MTMR3: variants seen among roughly 807,000 people sequenced by gnomAD.
MTMR3 encodes the protein myotubularin related protein 3, also known as phosphatidylinositol-3,5-bisphosphate 3-phosphatase MTMR3.
In MTMR3, 32 loss-of-function variants were observed where a neutral mutation model predicts 132.4. That is an observed-to-expected ratio of 0.24 (90% CI 0.18 to 0.32). The LOEUF is 0.32. Ranked by LOEUF, MTMR3 falls within the 10% of genes least tolerant of loss-of-function variation. The pLI is 1.00. For synonymous variants in MTMR3, 556 were observed against 550.3 expected, an observed-to-expected ratio of 1.01 and a Z score of -0.14; for missense variants, 1,216 against 1,489.6, an observed-to-expected ratio of 0.82 and a Z score of 3.02.
At chr22:29,891,586 C>T (rs922657920) in intron 1 of MTMR3, among the ~76,000 whole-genome samples, 14 of 152,084 alleles carry the variant, frequency 9.2e-5, no homozygotes, top group African/African-American at 3.4e-4. Context: ...TGTGTGCCAC[C>T]ATGCCTGGCT....
chr22:29,974,274 A>G (rs1200753282), intron 3 of MTMR3, among the ~76,000 whole-genome samples: 3 of 152,124 alleles, frequency 2.0e-5, no homozygotes, highest in Non-Finnish European at 4.4e-5. Flanking sequence ...GGCCTTCCTC[A>G]CCTATGAAAC....
intron 1 of MTMR3, among the ~76,000 whole-genome samples, chr22:29,954,577 A>G (rs1206965968): frequency 1.3e-5 from 2 of 152,220 alleles, no homozygotes; most frequent in African/African-American, 4.8e-5. Context: ...CGTTTGGTCC[A>G]TCTCTTGGAA....
chr22:30,024,202 G>A (rs2067844786), intron 19 of MTMR3: 1 of 152,304 alleles, frequency 6.6e-6, no homozygotes, highest in African/African-American at 2.4e-5. Flanking sequence ...GCTGAGGCAG[G>A]AGAAGAGAAT....
rs766644426 is a variant in MTMR3, at chr22:30,017,972, G to T, written c.1720G>T (p.Ala574Ser). 1 of 1,613,876 alleles carries T rather than the reference G, an allele frequency of 6.2e-7. No individual in the cohort carries two copies. The highest frequency in any genetic ancestry group is 8.5e-7 in the Non-Finnish European group (1 of 1,179,944). The change falls in exon 16 of 20, where the codon GCA becomes TCA. Residue 574 changes from alanine (A) to serine (S), a missense_variant. Around this residue, in one of 7 missense-constraint regions of MTMR3, gnomAD observed 852 missense variants for 852.0 expected, o/e 1.00. Transcript: ENST00000401950. Reference sequence around the variant, plus strand: ...TGTGCGTAACCTGATGCTGTGGAGTGCAGTGTACCTGCCCTGCCCATCCCC... The same window carrying T: ...TGTGCGTAACCTGATGCTGTGGAGTTCAGTGTACCTGCCCTGCCCATCCCC... ...CHVRNLMLWSAVYLPCPSPTT... is the reference protein window; with the variant it reads ...CHVRNLMLWSSVYLPCPSPTT...
chr22:29,960,061 CT>C (rs55797203), intron 2 of MTMR3, among the ~76,000 whole-genome samples: 11,777 of 152,142 alleles, frequency 0.077, 532 homozygotes, highest in African/African-American at 0.092. Flanking sequence ...GCCACTGCCC[CT>C]GGCCACGTTC....
chr22:30,018,068 A>G lies in MTMR3; in HGVS notation c.1816A>G (p.Ser606Gly). 1 of 1,606,252 alleles carries G rather than the reference A, an allele frequency of 6.2e-7. No individual in the cohort carries two copies. The highest frequency in any genetic ancestry group is 1.7e-4 in the Middle Eastern group (1 of 6,012). The change falls in exon 16 of 20, where the codon AGC (serine) becomes GGC (glycine). Residue 606 changes from serine to glycine, a missense_variant. Around this residue, in one of 7 missense-constraint regions of MTMR3, gnomAD observed 852 missense variants for 852.0 expected, o/e 1.00. Coordinates refer to ENST00000401950, the MANE Select transcript of MTMR3 (RefSeq NM_021090.4). ...CACCAGCCCTGATGATCCCCCCCTG[A>G]GCCGGTGAGCCCAGGGTGATGCCAC... is the stretch of plus-strand genomic sequence containing the variant. ...PGTSPDDPPLSRLPKTRSYDN... is the reference protein window; with the variant it reads ...PGTSPDDPPLGRLPKTRSYDN...
intron 19 of MTMR3, chr22:30,023,805 G>A (rs1050210569): frequency 3.5e-5 from 12 of 346,822 alleles, no homozygotes; most frequent in Non-Finnish European, 6.4e-5. Context: ...TTGGGTCAGT[G>A]ATTCATTGAG....
chr22:29,966,779 CTGTG>C (rs941414840), intron 2 of MTMR3, among the ~76,000 whole-genome samples: 3 of 135,276 alleles, frequency 2.2e-5, no homozygotes, highest in East Asian at 2.3e-4. Context: ...GTGTCTGTCT[CTGTG>C]TGTGTGTGAG....
chr22:29,999,028 T>C, intron 8 of MTMR3, 171 bp downstream of exon 8: 1 of 449,436 alleles, frequency 2.2e-6, no homozygotes, highest in South Asian at 3.3e-5. Context: ...TTCCCGTTGC[T>C]ATCATTGGAG....
rs573991551 is a variant in MTMR3 at position 29,970,608 on chromosome 22, G to C, written c.-84-368G>C. 4.7e-5 allele frequency among the ~76,000 whole-genome samples: 7 copies of C among 150,080 alleles called. No homozygotes were observed. The East Asian group carries it at 1.4e-3, about 30-fold the overall frequency. On this transcript the variant is annotated intron_variant, in intron 2 of 19. Coordinates refer to ENST00000401950, the MANE Select transcript of MTMR3 (RefSeq NM_021090.4). ...CTGCCTCAGCCTTCGAAAGTGCTGG[G>C]ATTATAGGCATTAAGCCACCTTGCC...
At chr22:29,938,212 G>C (rs990269911) in intron 1 of MTMR3, among the ~76,000 whole-genome samples, 1 of 152,144 alleles carries the variant, frequency 6.6e-6, no homozygotes, top group Admixed American at 6.5e-5. Flanking sequence ...CTGAGAAATC[G>C]TAACTGTTTT....
chr22:29,888,586 G>A (rs1462485893), intron 1 of MTMR3, among the ~76,000 whole-genome samples: 2 of 152,116 alleles, frequency 1.3e-5, no homozygotes, highest in African/African-American at 4.8e-5. Context: ...AACTTATGCT[G>A]TAATAATATT....
intron 5 of MTMR3, chr22:29,984,978 G>A (rs2145898464): frequency 6.6e-6 from 1 of 152,344 alleles, no homozygotes; most frequent in Non-Finnish European, 1.5e-5. Context: ...AGCTTATAGT[G>A]TAGTAGTTTA....
intron 19 of MTMR3, chr22:30,023,442 C>G (rs776421314): frequency 1.2e-6 from 2 of 1,614,234 alleles, no homozygotes; most frequent in South Asian, 1.1e-5. Flanking sequence ...TGAGCTCTTT[C>G]TCCCCTCCTT....
intron 1 of MTMR3, among the ~76,000 whole-genome samples, chr22:29,902,133 A>G (rs1187920789): frequency 2.0e-5 from 3 of 152,174 alleles, no homozygotes; most frequent in African/African-American, 7.2e-5. Context: ...TTCACAGAAC[A>G]TTATAAATTG....
chr22:29,909,661 C>T (rs1314480363), intron 1 of MTMR3, among the ~76,000 whole-genome samples: 2 of 152,140 alleles, frequency 1.3e-5, no homozygotes, highest in Non-Finnish European at 2.9e-5. Context: ...CTGGACTTCT[C>T]CCCTCCATTA....
chr22:29,981,619 A>C (rs993310895), intron 5 of MTMR3: 1 of 150,698 alleles, frequency 6.6e-6, no homozygotes, highest in Non-Finnish European at 1.5e-5. Context: ...AGTTCACCTG[A>C]GGTTGTGAGT....
intron 1 of MTMR3, among the ~76,000 whole-genome samples, chr22:29,907,648 T>C (rs1379501102): frequency 6.6e-6 from 1 of 152,152 alleles, no homozygotes; most frequent in Non-Finnish European, 1.5e-5. Context: ...TCAAAGAAAA[T>C]TATCAAGTGA....
chr22:29,960,328 A>G (rs886547907), intron 2 of MTMR3, among the ~76,000 whole-genome samples: 13 of 152,182 alleles, frequency 8.5e-5, no homozygotes, highest in African/African-American at 1.2e-4. Flanking sequence ...TCAGTGTTAA[A>G]TTTTCTGAAA....
Sources: allele counts gnomAD v4.1 joint callset (sites outside exome capture counted in the v4.1 genomes callset), GRCh38; gene constraint gnomAD v4.1.1; regional missense constraint gnomAD v4.1.1; transcripts MANE v1.5; gene names NCBI Gene and HGNC (gene_info 2026-07-23, HGNC 2026-07-21).